PPP1R12B: variants seen among roughly 807,000 people sequenced by gnomAD.
PPP1R12B encodes myosin phosphatase target subunit 2.
A neutral mutation model predicts 126.1 loss-of-function variants in PPP1R12B; 76 were observed. The ratio of observed to expected loss-of-function variants is 0.60; its 90% CI spans 0.50 to 0.73. The LOEUF is 0.73. Among genes scored for constraint, PPP1R12B ranks in the 30% least tolerant of loss-of-function variants. PPP1R12B has a pLI of 0.00. For missense variants in PPP1R12B, 1,052 were observed against 1,205.1 expected, an observed-to-expected ratio of 0.87 and a Z score of 1.88; for synonymous variants, 356 against 434.7, an observed-to-expected ratio of 0.82 and a Z score of 2.25.
chr1:202,355,575 T>C (rs1656926376), intron 1 of PPP1R12B, among the ~76,000 whole-genome samples: 2 of 152,154 alleles, frequency 1.3e-5, no homozygotes, highest in African/African-American at 4.8e-5. Context: ...GGTGACATCC[T>C]AGAGGGCTTT....
chr1:202,378,484 TTTG>T (rs1558151081), intron 1 of PPP1R12B, among the ~76,000 whole-genome samples: 6 of 152,064 alleles, frequency 3.9e-5, no homozygotes. Context: ...TAATTCTTTT[TTTG>T]TTGTTGTTTT....
Position 202,569,829 on chromosome 1 carries a change from C to CATCACCTCCATTAGCCACTTTA in PPP1R12B, c.2862+635_2862+656dup, listed in dbSNP as rs1337519847. ...TCTCCTCACCATGACCTGCAGTGAC[C>CATCACCTCCATTAGCCACTTTA]ATCACCTCCATTAGCCACTTTAATG... On this transcript the variant is annotated intron_variant, in intron 23 of 23. Transcript: ENST00000608999. 2.6e-5 allele frequency among the ~76,000 whole-genome samples: 4 copies of CATCACCTCCATTAGCCACTTTA among 152,188 alleles called. No homozygotes were observed. The East Asian group carries it at 7.7e-4, about 29-fold the overall frequency.
At chr1:202,489,320 A>G (rs1052007009) in intron 14 of PPP1R12B, among the ~76,000 whole-genome samples, 12 of 152,214 alleles carry the variant, frequency 7.9e-5, no homozygotes, top group African/African-American at 2.7e-4. Flanking sequence ...GAGTTTGGCA[A>G]TTCCTCAAAA....
intron 13 of PPP1R12B, among the ~76,000 whole-genome samples, chr1:202,473,518 A>G (rs1038873716): frequency 1.3e-5 from 2 of 152,258 alleles, no homozygotes; most frequent in Non-Finnish European, 2.9e-5. Flanking sequence ...GGCAGATGAA[A>G]TAGGATCCAG....
chr1:202,451,849 AC>A (rs1447533243), intron 13 of PPP1R12B, among the ~76,000 whole-genome samples: 24 of 148,780 alleles, frequency 1.6e-4, no homozygotes, highest in African/African-American at 5.8e-4. Flanking sequence ...GTGGGGGCTG[AC>A]CCCCACCTCC....
intron 2 of PPP1R12B, among the ~76,000 whole-genome samples, chr1:202,420,577 G>T (rs958574375): frequency 1.3e-5 from 2 of 152,152 alleles, no homozygotes; most frequent in Non-Finnish European, 1.5e-5. Flanking sequence ...CTTACTATGT[G>T]TATTATTTGC....
At chr1:202,492,563 A>G (rs559028950) in intron 14 of PPP1R12B, among the ~76,000 whole-genome samples, 6 of 152,264 alleles carry the variant, frequency 3.9e-5, no homozygotes, top group African/African-American at 1.2e-4. Context: ...GGGAACATTA[A>G]TTGTTGGAAT....
intron 8 of PPP1R12B, among the ~76,000 whole-genome samples, chr1:202,433,452 C>T (rs1670430181): frequency 6.6e-6 from 1 of 152,204 alleles, no homozygotes; most frequent in African/African-American, 2.4e-5. Context: ...CTATGACCAC[C>T]TCCCTCACTC....
chr1:202,392,075 G>A (rs956860186), intron 1 of PPP1R12B, among the ~76,000 whole-genome samples: 5 of 116,296 alleles, frequency 4.3e-5, no homozygotes, highest in South Asian at 3.3e-4. Context: ...TTATCTTCAG[G>A]TGTACTGAAG....
chr1:202,374,493 C>CTTTTTTTTTTTTTTTTTTTTTTTT (rs1160730172), intron 1 of PPP1R12B, among the ~76,000 whole-genome samples: 2 of 89,506 alleles, frequency 2.2e-5, no homozygotes, highest in Non-Finnish European at 4.0e-5. Context: ...TTGTCTCTCT[C>CTTTTTTTTTTTTTTTTTTTTTTTT]TTTTTTTTTT....
intron 18 of PPP1R12B, among the ~76,000 whole-genome samples, chr1:202,557,501 A>G (rs559942476): frequency 6.6e-6 from 1 of 152,210 alleles, no homozygotes; most frequent in Non-Finnish European, 1.5e-5. Context: ...AGGATTCTCA[A>G]CTCAATGTAT....
At chr1:202,411,947 G>A (rs372293046) in intron 1 of PPP1R12B, among the ~76,000 whole-genome samples, 123 of 152,288 alleles carry the variant, frequency 8.1e-4, no homozygotes, top group African/African-American at 2.8e-3. Flanking sequence ...CTACAGGTGT[G>A]AGCCACCATG....
intron 1 of PPP1R12B, among the ~76,000 whole-genome samples, chr1:202,367,294 A>T (rs1426820995): frequency 6.6e-6 from 1 of 152,202 alleles, no homozygotes; most frequent in African/African-American, 2.4e-5. Context: ...AATCAGACAT[A>T]GTTGGTTTCT....
At chr1:202,403,267 T>C (rs1666117455) in intron 1 of PPP1R12B, among the ~76,000 whole-genome samples, 1 of 152,214 alleles carries the variant, frequency 6.6e-6, no homozygotes, top group Non-Finnish European at 1.5e-5. Flanking sequence ...TGTAATCTAA[T>C]TTTTAAAAAG....
intron 13 of PPP1R12B, among the ~76,000 whole-genome samples, chr1:202,483,606 G>C (rs1267214006): frequency 6.6e-6 from 1 of 152,154 alleles, no homozygotes; most frequent in East Asian, 1.9e-4. Flanking sequence ...CTAGAGGCAA[G>C]AGGGTGAAGA....
intron 3 of PPP1R12B, among the ~76,000 whole-genome samples, 192 bp downstream of exon 3, chr1:202,422,930 A>G (rs2148638082): frequency 6.6e-6 from 1 of 152,374 alleles, no homozygotes; most frequent in South Asian, 2.1e-4. Flanking sequence ...GCCAGATGTC[A>G]AAAGGATGAC....
At chr1:202,578,674 A>G (rs1008767655) in intron 23 of PPP1R12B, among the ~76,000 whole-genome samples, 1 of 152,226 alleles carries the variant, frequency 6.6e-6, no homozygotes, top group Admixed American at 6.5e-5. Context: ...TGATTGTAGG[A>G]ACACTCAGTA....
chr1:202,476,154 G>A (rs1481122508), intron 13 of PPP1R12B, among the ~76,000 whole-genome samples: 1 of 148,468 alleles, frequency 6.7e-6, no homozygotes, highest in African/African-American at 2.5e-5. Context: ...CATTGAGCCT[G>A]AGATTGTGCC....
At chr1:202,438,718 C>T (rs901589993) in intron 10 of PPP1R12B, 16 of 657,580 alleles carry the variant, frequency 2.4e-5, no homozygotes, top group African/African-American at 5.4e-5. Context: ...AGGTGGTTAC[C>T]GTGCATTTTG....
Sources: gnomAD v4.1 joint callset for allele counts (sites outside exome capture counted in the v4.1 genomes callset) on GRCh38, gnomAD v4.1.1 for gene constraint, MANE v1.5 for transcripts, NCBI Gene and HGNC (gene_info 2026-07-23, HGNC 2026-07-21) for gene names.